LIMK1: variants seen among roughly 807,000 people sequenced by gnomAD.
LIMK1 encodes LIM domain kinase 1.
Under a neutral mutation model 77.6 loss-of-function variants are expected in LIMK1, and 21 were observed. The ratio of observed to expected loss-of-function variants is 0.27; its 90% confidence interval spans 0.19 to 0.39. The LOEUF is 0.39. Ranked by LOEUF, LIMK1 falls within the 10% of genes least tolerant of loss-of-function variation. LIMK1 has a pLI of 1.00. For synonymous variants in LIMK1, 358 were observed against 370.0 expected (o/e 0.97, Z 0.37); for missense variants, 696 against 901.6 (o/e 0.77, Z 2.92).
chr7:74,085,899 A>G, intron 2 of LIMK1, 55 bp downstream of exon 2: 1 of 1,360,226 alleles, frequency 7.4e-7, no homozygotes, highest in Non-Finnish European at 1.0e-6. Flanking sequence ...GCCAGAGAGG[A>G]CAGGCTGGTC....
intron 5 of LIMK1, among the ~76,000 whole-genome samples, chr7:74,100,770 C>G (rs1481496237): frequency 6.8e-6 from 1 of 147,282 alleles, no homozygotes. Context: ...GAGTCTCGCT[C>G]TGTCGCCCAG....
At chr7:74,085,098 G>C (rs1327971669) in intron 1 of LIMK1, among the ~76,000 whole-genome samples, 2 of 152,192 alleles carry the variant, frequency 1.3e-5, no homozygotes, top group African/African-American at 4.8e-5. Context: ...GGGCCCACCA[G>C]CTCCAAGGGT....
intron 2 of LIMK1, among the ~76,000 whole-genome samples, 172 bp from the exon 3 acceptor site, chr7:74,096,450 G>A (rs1364712126): frequency 2.0e-5 from 3 of 152,182 alleles, no homozygotes; most frequent in East Asian, 2.0e-4. Context: ...GCAGTGAGCC[G>A]AGATCGAGCC....
chr7:74,105,729 C>T (rs1042169883), intron 5 of LIMK1, 146 bp from the exon 6 acceptor site: 27 of 611,544 alleles, frequency 4.4e-5, no homozygotes, highest in South Asian at 1.2e-4. Flanking sequence ...AACCAGAACT[C>T]GGTGTTCTGG....
intron 13 of LIMK1, among the ~76,000 whole-genome samples, chr7:74,118,134 T>C (rs1203180749): frequency 2.0e-5 from 3 of 150,482 alleles, no homozygotes; most frequent in Non-Finnish European, 4.4e-5. Flanking sequence ...CCCAGCACTT[T>C]GGGAGGCTGA....
intron 1 of LIMK1, 112 bp from the exon 2 acceptor site, chr7:74,085,636 G>T: frequency 1.2e-6 from 1 of 824,882 alleles, no homozygotes; most frequent in South Asian, 1.4e-5. Flanking sequence ...CACATGTGCA[G>T]TGTGCGAGGA....
intron 2 of LIMK1, among the ~76,000 whole-genome samples, chr7:74,088,801 C>CA (rs145728454): frequency 0.19 from 12,948 of 66,600 alleles, 1,126 homozygotes; most frequent in East Asian, 0.42. Flanking sequence ...GACTCCATCT[C>CA]AAAAAAAAAA....
intron 3 of LIMK1, 65 bp downstream of exon 3, chr7:74,096,825 G>A: frequency 1.3e-6 from 2 of 1,518,460 alleles, no homozygotes; most frequent in Non-Finnish European, 1.8e-6. Flanking sequence ...CCATGCTCCA[G>A]GTCTCTCTCC....
At chr7:74,096,114 A>G (rs1215161329) in intron 2 of LIMK1, among the ~76,000 whole-genome samples, 1 of 151,240 alleles carries the variant, frequency 6.6e-6, no homozygotes, top group Admixed American at 6.6e-5. Flanking sequence ...ACAGGTGCCC[A>G]CCACCATGCC....
chr7:74,085,985 A>T, intron 2 of LIMK1, 141 bp downstream of exon 2: 1 of 623,204 alleles, frequency 1.6e-6, no homozygotes, highest in Non-Finnish European at 2.9e-6. Flanking sequence ...TTTACCATTT[A>T]TGACATGAGG....
intron 4 of LIMK1, among the ~76,000 whole-genome samples, chr7:74,098,120 G>A (rs557225877): frequency 2.0e-5 from 3 of 152,236 alleles, no homozygotes; most frequent in East Asian, 3.9e-4. Context: ...GTCATTGGCC[G>A]TATGATCAAG....
chr7:74,107,124 C>T lies in LIMK1; in HGVS notation c.996C>T (p.Arg332=). The T allele has an allele frequency of 6.2e-7, 1 of 1,613,210 alleles. No homozygotes were observed. The highest frequency in any genetic ancestry group is 8.5e-7 in the Non-Finnish European group (1 of 1,179,936). ...TCCGCGTAGTCTGCCGGCCACACCG[C>T]ATCTTCCGGCCGTCGGACCTCATCC... The part of the protein sequence containing the change: ...ESLRVVCRPH[R]IFRPSDLIHG... Residue 332 remains arginine, a synonymous_variant, in exon 8 of 16, where the codon CGC becomes CGT. Coordinates refer to ENST00000336180, the MANE Select transcript of LIMK1 (RefSeq NM_002314.4).
chr7:74,115,861 T>C lies in LIMK1; in HGVS notation c.1470T>C (p.Thr490=). ...CGCGTCTCATGGTGGACGAGAAGACTCAGCCTGAGGGCCTGCGGAGCCTCA... is the reference window on the plus strand; with the variant it reads ...CGCGTCTCATGGTGGACGAGAAGACCCAGCCTGAGGGCCTGCGGAGCCTCA... ...GLARLMVDEK[T]QPEGLRSLKK... The change falls in exon 13 of 16, where the codon ACT becomes ACC. Residue 490 remains threonine, a synonymous_variant. Transcript: ENST00000336180. The C allele has an allele frequency of 6.2e-7, 1 of 1,614,156 alleles. No homozygotes were observed. The highest frequency in any genetic ancestry group is 8.5e-7 in the Non-Finnish European group (1 of 1,180,018).
chr7:74,102,063 A>G (rs917191172), intron 5 of LIMK1, among the ~76,000 whole-genome samples: 44 of 152,228 alleles, frequency 2.9e-4, no homozygotes, highest in African/African-American at 9.1e-4. Context: ...GGCTCAAGCA[A>G]TCCTCCCACA....
intron 8 of LIMK1, 89 bp downstream of exon 8, chr7:74,107,282 G>C: frequency 7.2e-7 from 1 of 1,386,078 alleles, no homozygotes; most frequent in Non-Finnish European, 9.7e-7. Flanking sequence ...ACAGTGGAAG[G>C]GGTATCTGGC....
chr7:74,084,966 C>T (rs557151651), intron 1 of LIMK1, among the ~76,000 whole-genome samples: 1 of 152,348 alleles, frequency 6.6e-6, no homozygotes, highest in Non-Finnish European at 1.5e-5. Flanking sequence ...CCTGCGTCTT[C>T]ACAGAGGGTC....
rs1407930830 is a variant in LIMK1 at position 74,099,117 on chromosome 7, G to A, written c.487G>A (p.Val163Ile). Residue 163 changes from valine (V) to isoleucine (I), a missense_variant, in exon 5 of 16, where the codon GTC (valine) becomes ATC (isoleucine). Val to Ile is a conservative substitution (Grantham distance 29). Around this residue, in one of 3 missense-constraint regions of LIMK1, gnomAD observed 252 missense variants for 279.4 expected, o/e 0.90. Coordinates refer to ENST00000336180, the MANE Select transcript of LIMK1 (RefSeq NM_002314.4). ...DSPGSHLPHT[V>I]TLVSIPASSH... ...CCCTGGCTCCCACCTGCCCCACACC[G>A]TCACCCTGGTGTCCATCCCAGCCTC... 3.0e-5 allele frequency: 48 copies of A among 1,613,428 alleles called. No homozygotes were observed. Among genetic ancestry groups the A allele is most frequent in the Non-Finnish European group, 3.6e-5 (43 of 1,179,984 alleles).
intron 7 of LIMK1, 92 bp from the exon 8 acceptor site, chr7:74,106,918 C>G: frequency 8.0e-7 from 1 of 1,255,928 alleles, no homozygotes; most frequent in Non-Finnish European, 1.1e-6. Flanking sequence ...CTGGCATGGA[C>G]AGGGGCATGC....
At chr7:74,089,476 T>C (rs1335795355) in intron 2 of LIMK1, among the ~76,000 whole-genome samples, 1 of 151,710 alleles carries the variant, frequency 6.6e-6, no homozygotes, top group African/African-American at 2.4e-5. Flanking sequence ...CAAGCCAGCC[T>C]GGGTGACAGA....
Sources: allele counts gnomAD v4.1 joint callset (sites outside exome capture counted in the v4.1 genomes callset), GRCh38; gene constraint gnomAD v4.1.1; regional missense constraint gnomAD v4.1.1; transcripts MANE v1.5; gene names NCBI Gene and HGNC (gene_info 2026-07-23, HGNC 2026-07-21).